Variants in BZW2 observed in about 807,000 individuals in gnomAD.
BZW2 encodes basic leucine zipper and W2 domains 2.
In BZW2, 23 loss-of-function variants were observed where a neutral mutation model predicts 53.2. That is an observed-to-expected ratio of 0.43 (90% CI 0.31 to 0.61). The LOEUF (loss-of-function observed/expected upper bound fraction) is 0.61. BZW2 is among the 20% of genes least tolerant of loss of function. BZW2 has a pLI of 0.09. For synonymous variants in BZW2, 227 were observed against 186.4 expected (o/e 1.22, Z -1.77); for missense variants, 409 against 503.1 (o/e 0.81, Z 1.79).
chr7:16,696,436 A>T (rs17626846), intron 8 of BZW2, among the ~76,000 whole-genome samples: 22,832 of 152,252 alleles, frequency 0.15, 1,811 homozygotes, highest in Middle Eastern at 0.18. Context: ...TTTCACTGAG[A>T]TGGGGCATAA....
At chr7:16,676,964 C>T (rs1782784141) in intron 3 of BZW2, among the ~76,000 whole-genome samples, 1 of 152,100 alleles carries the variant, frequency 6.6e-6, no homozygotes, top group South Asian at 2.1e-4. Context: ...ACCACCTCCC[C>T]ATATAAAATT....
intron 10 of BZW2, chr7:16,698,387 C>A: frequency 1.8e-6 from 1 of 566,826 alleles, no homozygotes; most frequent in Non-Finnish European, 3.0e-6. Flanking sequence ...GCCTTGGAAA[C>A]CCTGCTTAGG....
chr7:16,691,537 C>T (rs549764874), intron 7 of BZW2, among the ~76,000 whole-genome samples: 1 of 152,296 alleles, frequency 6.6e-6, no homozygotes, highest in South Asian at 2.1e-4. Context: ...TGGCAAAGTA[C>T]CAGAACACAG....
At chr7:16,658,580 A>G (rs1398630397) in intron 1 of BZW2, among the ~76,000 whole-genome samples, 2 of 152,076 alleles carry the variant, frequency 1.3e-5, no homozygotes, top group Non-Finnish European at 2.9e-5. Context: ...TTTCTAATAT[A>G]AAAATATTGC....
chr7:16,664,546 G>T (rs1268850084), intron 1 of BZW2, among the ~76,000 whole-genome samples: 1 of 152,194 alleles, frequency 6.6e-6, no homozygotes, highest in Admixed American at 6.5e-5. Flanking sequence ...AATGTGACTG[G>T]AACTCAATGA....
chr7:16,680,450 A>G (rs1484813951), intron 3 of BZW2, among the ~76,000 whole-genome samples: 1 of 152,322 alleles, frequency 6.6e-6, no homozygotes, highest in East Asian at 1.9e-4. Flanking sequence ...GTGGAACAAA[A>G]ATGAAGTACA....
chr7:16,653,973 A>G (rs1409838083), intron 1 of BZW2, among the ~76,000 whole-genome samples: 2 of 149,208 alleles, frequency 1.3e-5, no homozygotes, highest in Non-Finnish European at 3.0e-5. Context: ...CTGGCTGGGC[A>G]TGGTGACTCA....
At chr7:16,704,525 A>C (rs1783773923) in intron 10 of BZW2, 22 bp from the exon 11 acceptor site, 1 of 1,503,790 alleles carries the variant, frequency 6.6e-7, no homozygotes, top group African/African-American at 1.4e-5. Flanking sequence ...GTAACTTTGA[A>C]ATCTTTGATT....
intron 5 of BZW2, among the ~76,000 whole-genome samples, chr7:16,685,194 C>T (rs945930369): frequency 5.3e-5 from 8 of 152,224 alleles, no homozygotes; most frequent in Admixed American, 4.6e-4. Flanking sequence ...GTGGGTTTTT[C>T]GTTTTATTTG....
chr7:16,677,641 G>A (rs1167574), intron 3 of BZW2, among the ~76,000 whole-genome samples: 34,586 of 152,000 alleles, frequency 0.23, 4,233 homozygotes, highest in East Asian at 0.38. Flanking sequence ...TTACAGCTTC[G>A]ATTCTGGAAG....
chr7:16,698,413 C>A, intron 10 of BZW2: 1 of 442,400 alleles, frequency 2.3e-6, no homozygotes, highest in Non-Finnish European at 4.0e-6. Context: ...GGGCACTTCT[C>A]ATTGGTAGAT....
intron 1 of BZW2, among the ~76,000 whole-genome samples, chr7:16,659,469 A>T (rs541020934): frequency 6.5e-4 from 99 of 152,296 alleles, no homozygotes; most frequent in Non-Finnish European, 1.3e-3. Flanking sequence ...AAACTTTTAG[A>T]ACCAACTTAA....
chr7:16,695,367 A>G (rs918806017), intron 8 of BZW2, among the ~76,000 whole-genome samples: 4 of 152,184 alleles, frequency 2.6e-5, no homozygotes, highest in Admixed American at 2.6e-4. Flanking sequence ...CTGATTAAGC[A>G]TTTGTCTAGT....
chr7:16,676,313 C>T (rs1012395704), intron 3 of BZW2, among the ~76,000 whole-genome samples: 4 of 152,104 alleles, frequency 2.6e-5, no homozygotes, highest in African/African-American at 4.8e-5. Flanking sequence ...CTTTGGGAAG[C>T]CAAGGCAGGC....
intron 2 of BZW2, among the ~76,000 whole-genome samples, chr7:16,673,943 A>G (rs572401291): frequency 7.0e-6 from 1 of 143,784 alleles, no homozygotes; most frequent in East Asian, 2.2e-4. Context: ...CTTGTCTCCC[A>G]GGCTGGGGTG....
intron 10 of BZW2, among the ~76,000 whole-genome samples, chr7:16,701,052 A>T (rs1253926250): frequency 6.6e-6 from 1 of 152,170 alleles, no homozygotes; most frequent in African/African-American, 2.4e-5. Context: ...GAATATCATT[A>T]TTGAAAGATT....
intron 7 of BZW2, 28 bp downstream of exon 7, chr7:16,689,934 A>G (rs1037916165): frequency 1.3e-6 from 2 of 1,561,698 alleles, no homozygotes; most frequent in Non-Finnish European, 1.8e-6. Context: ...AAAGAGTTGT[A>G]TGTATGATGC....
chr7:16,673,293 C>G (rs1377860874), intron 2 of BZW2, among the ~76,000 whole-genome samples: 1 of 152,168 alleles, frequency 6.6e-6, no homozygotes, highest in Non-Finnish European at 1.5e-5. Context: ...ATATCTATAT[C>G]CCTGTCAGTC....
chr7:16,703,051 A>G (rs1265685371), intron 10 of BZW2, among the ~76,000 whole-genome samples: 1 of 152,216 alleles, frequency 6.6e-6, no homozygotes, highest in Non-Finnish European at 1.5e-5. Context: ...GCAGTCTTAC[A>G]CAATAACAGG....
Sources: allele counts gnomAD v4.1 joint callset (sites outside exome capture counted in the v4.1 genomes callset), GRCh38; gene constraint gnomAD v4.1.1; transcripts MANE v1.5; gene names NCBI Gene and HGNC (gene_info 2026-07-23, HGNC 2026-07-21).